Variants in UTS2 observed in about 807,000 individuals in gnomAD.
UTS2 encodes urotensin 2.
In UTS2, 10 loss-of-function variants were observed where a neutral mutation model predicts 12.6. The observed-to-expected ratio is 0.80, with a 90% CI of 0.49 to 1.35. UTS2 has a LOEUF of 1.35. Among genes scored for constraint, UTS2 ranks in the 40% most tolerant of loss-of-function variants. The pLI, the probability that UTS2 is intolerant of heterozygous loss-of-function variation, is 0.00. For missense variants in UTS2, 142 were observed against 143.2 expected (o/e 0.99, Z 0.04); for synonymous variants, 52 against 50.0 (o/e 1.04, Z -0.17).
the UTS2 span, among the ~76,000 whole-genome samples, chr1:7,882,434 A>G: frequency 6.6e-6 from 1 of 152,202 alleles, no homozygotes; most frequent in Non-Finnish European, 1.5e-5. Context: ...TCAACTTAAA[A>G]TGGATTAAAG....
the UTS2 span, among the ~76,000 whole-genome samples, chr1:7,897,024 T>G: frequency 6.6e-6 from 1 of 152,208 alleles, no homozygotes; most frequent in African/African-American, 2.4e-5. Context: ...ATAAATTATG[T>G]ATAAAATTAT....
At chr1:7,858,696 G>A in the UTS2 span, among the ~76,000 whole-genome samples, 39 of 152,078 alleles carry the variant, frequency 2.6e-4, no homozygotes, top group East Asian at 7.7e-4. Flanking sequence ...CTATTCTCAC[G>A]CTTCAGCCTC....
chr1:7,850,628 G>A (rs1032231922), intron 2 of UTS2, among the ~76,000 whole-genome samples, 184 bp downstream of exon 2: 6 of 152,184 alleles, frequency 3.9e-5, no homozygotes, highest in Non-Finnish European at 8.8e-5. Context: ...AGCACAGTGC[G>A]AGCAAGGAGC....
At chr1:7,889,315 G>T in the UTS2 span, among the ~76,000 whole-genome samples, 1 of 149,718 alleles carries the variant, frequency 6.7e-6, no homozygotes, top group African/African-American at 2.5e-5. Flanking sequence ...GGTGGCGTGA[G>T]CCTGTGGTCC....
At chr1:7,892,780 C>T in the UTS2 span, among the ~76,000 whole-genome samples, 1 of 152,056 alleles carries the variant, frequency 6.6e-6, no homozygotes, top group Non-Finnish European at 1.5e-5. Flanking sequence ...AGCCACCTCG[C>T]CCGGCCCCAC....
intron 3 of UTS2, among the ~76,000 whole-genome samples, chr1:7,848,471 G>C (rs2097410124): frequency 1.3e-5 from 2 of 152,036 alleles, no homozygotes; most frequent in South Asian, 4.2e-4. Flanking sequence ...AACATGTTCT[G>C]TGCATGTATT....
the UTS2 span, among the ~76,000 whole-genome samples, chr1:7,879,811 T>C: frequency 1.2e-4 from 19 of 152,246 alleles, no homozygotes; most frequent in Admixed American, 9.8e-4. Flanking sequence ...ATTTATGGGA[T>C]ACAGCAAAAG....
chr1:7,868,371 C>T, the UTS2 span, among the ~76,000 whole-genome samples: 1 of 152,160 alleles, frequency 6.6e-6, no homozygotes, highest in African/African-American at 2.4e-5. Context: ...GTTTTAGAGT[C>T]CTCATTTTTG....
At chr1:7,866,384 A>G in the UTS2 span, among the ~76,000 whole-genome samples, 6 of 152,154 alleles carry the variant, frequency 3.9e-5, no homozygotes, top group African/African-American at 1.4e-4. The surrounding 1 kb of genome is among the most constrained non-coding windows in gnomAD (Gnocchi z 4.5). Context: ...GTGGAGAGCT[A>G]TGAAACAGCA....
chr1:7,861,445 T>C, the UTS2 span, among the ~76,000 whole-genome samples: 1 of 152,130 alleles, frequency 6.6e-6, no homozygotes, highest in African/African-American at 2.4e-5. Flanking sequence ...AAGCACCAAG[T>C]CTTTTGCAGA....
At chr1:7,904,760 C>T in the UTS2 span, among the ~76,000 whole-genome samples, 339 of 151,868 alleles carry the variant, frequency 2.2e-3, 2 homozygotes, top group Middle Eastern at 0.054. Flanking sequence ...TAAAAATTAG[C>T]CGGGCGTGGT....
the UTS2 span, among the ~76,000 whole-genome samples, chr1:7,897,733 C>T: frequency 2.0e-5 from 3 of 152,054 alleles, no homozygotes; most frequent in Middle Eastern, 3.4e-3. Flanking sequence ...ATTACAGGCA[C>T]CCGCCACCAC....
At chr1:7,892,481 T>G in the UTS2 span, among the ~76,000 whole-genome samples, 55 of 142,936 alleles carry the variant, frequency 3.8e-4, no homozygotes, top group African/African-American at 1.4e-3. Context: ...TTTTTTTTTT[T>G]TTTTTTTTTT....
chr1:7,893,491 CTAAATAAATAAA>C, the UTS2 span, among the ~76,000 whole-genome samples: 4 of 150,282 alleles, frequency 2.7e-5, no homozygotes, highest in African/African-American at 4.9e-5. Flanking sequence ...GACCCTGTCT[CTAAATAAATAAA>C]TAAATAAATA....
the UTS2 span, among the ~76,000 whole-genome samples, chr1:7,883,611 T>G: frequency 6.6e-6 from 1 of 152,316 alleles, no homozygotes; most frequent in South Asian, 2.1e-4. Context: ...GATTTGATCA[T>G]TACATATTAT....
At chr1:7,888,298 A>G in the UTS2 span, among the ~76,000 whole-genome samples, 1 of 152,122 alleles carries the variant, frequency 6.6e-6, no homozygotes, top group African/African-American at 2.4e-5. Flanking sequence ...CAACAATTCC[A>G]AAACAGCACT....
chr1:7,890,303 G>T, the UTS2 span, among the ~76,000 whole-genome samples: 2 of 152,054 alleles, frequency 1.3e-5, no homozygotes, highest in Admixed American at 1.3e-4. Flanking sequence ...TGACTTAACT[G>T]CCGTGGGCTA....
the UTS2 span, among the ~76,000 whole-genome samples, chr1:7,902,044 G>A: frequency 6.6e-6 from 1 of 152,206 alleles, no homozygotes; most frequent in Non-Finnish European, 1.5e-5. Context: ...TGAGAGCAGG[G>A]CTGGACTCAG....
the UTS2 span, among the ~76,000 whole-genome samples, chr1:7,904,094 T>C: frequency 2.0e-5 from 3 of 152,152 alleles, no homozygotes; most frequent in African/African-American, 7.2e-5. Context: ...TATCTTACAA[T>C]ATTTTTTCAT....
Sources: gnomAD v4.1 joint callset for allele counts (sites outside exome capture counted in the v4.1 genomes callset) on GRCh38, gnomAD v4.1.1 for gene constraint, Gnocchi (gnomAD v3.1) non-coding constraint, MANE v1.5 for transcripts, NCBI Gene and HGNC (gene_info 2026-07-23, HGNC 2026-07-21) for gene names.